OSBPL8: variants seen among roughly 807,000 people sequenced by gnomAD.
OSBPL8 encodes the protein oxysterol binding protein like 8, also known as oxysterol-binding protein-related protein 8.
In OSBPL8, 59 loss-of-function variants were observed where a neutral mutation model predicts 125.5. The ratio of observed to expected loss-of-function variants is 0.47; its 90% CI spans 0.38 to 0.58. The LOEUF is 0.58. Among genes scored for constraint, OSBPL8 ranks in the 20% least tolerant of loss-of-function variants. OSBPL8 has a pLI of 0.00. For synonymous variants in OSBPL8, 330 were observed against 338.9 expected, an observed-to-expected ratio of 0.97 and a Z score of 0.29; for missense variants, 758 against 1,047.8, an observed-to-expected ratio of 0.72 and a Z score of 3.82.
intron 2 of OSBPL8, among the ~76,000 whole-genome samples, chr12:76,464,741 T>C (rs1401326452): frequency 6.6e-6 from 1 of 152,172 alleles, no homozygotes; most frequent in African/African-American, 2.4e-5. Context: ...TCCCTCTTAA[T>C]ATACATCACG....
At chr12:76,488,460 G>C (rs966747921) in intron 1 of OSBPL8, among the ~76,000 whole-genome samples, 1 of 152,132 alleles carries the variant, frequency 6.6e-6, no homozygotes, top group Admixed American at 6.5e-5. Context: ...ATGAAGGTTG[G>C]TGACAGCCTT....
rs1952090848 is a variant in OSBPL8, at chr12:76,358,831, T to C, written c.2329-20A>G. The C allele has an allele frequency of 3.1e-6, 5 of 1,595,132 alleles. No homozygotes were observed. The highest frequency in any genetic ancestry group is 4.3e-6 in the Non-Finnish European group (5 of 1,162,932). Reference sequence around the variant, plus strand: ...GCTAACCTAAAGAAAAAAATAACTATTTTGTGAATTTGCACTGTATTTTGG... The same window carrying C: ...GCTAACCTAAAGAAAAAAATAACTACTTTGTGAATTTGCACTGTATTTTGG... On this transcript the variant is annotated intron_variant, in intron 21 of 23. Coordinates refer to ENST00000261183, the MANE Select transcript of OSBPL8 (RefSeq NM_020841.5).
At chr12:76,413,580 A>G (rs1366035855) in intron 4 of OSBPL8, among the ~76,000 whole-genome samples, 1 of 152,176 alleles carries the variant, frequency 6.6e-6, no homozygotes, top group Non-Finnish European at 1.5e-5. Flanking sequence ...AACTATGCAA[A>G]AGTTCTCTTT....
rs534826617 is a variant in OSBPL8, at chr12:76,384,206, AAAT to A, written c.1630+45_1630+47del. ...ACTGCCTAAATAAAAGCTCACCAGA[AAAT>A]AATACCTCCCAGGAGAGGGTGCAAG... On this transcript the variant is annotated intron_variant, in intron 15 of 23. Coordinates refer to ENST00000261183, the MANE Select transcript of OSBPL8 (RefSeq NM_020841.5). 1.0e-3 allele frequency: 1,165 copies of A among 1,157,418 alleles called. 22 individuals carry two copies. The South Asian group carries it at 0.02, about 20-fold the overall frequency. The allele number at this position is 1,157,418 out of a possible 1,614,324, so 71.7% of individuals were successfully genotyped here.
intron 3 of OSBPL8, among the ~76,000 whole-genome samples, chr12:76,455,880 T>C (rs1363013647): frequency 6.6e-6 from 1 of 152,236 alleles, no homozygotes; most frequent in Non-Finnish European, 1.5e-5. Flanking sequence ...AATGAATCAC[T>C]GTGTGACTCC....
chr12:76,467,056 G>A (rs1231315284), intron 2 of OSBPL8, among the ~76,000 whole-genome samples: 1 of 152,172 alleles, frequency 6.6e-6, no homozygotes, highest in Non-Finnish European at 1.5e-5. Context: ...TGGCCTGGTA[G>A]TTTTTCACAC....
intron 4 of OSBPL8, among the ~76,000 whole-genome samples, chr12:76,443,255 G>T (rs1203481356): frequency 6.6e-6 from 1 of 152,136 alleles, no homozygotes; most frequent in East Asian, 1.9e-4. Flanking sequence ...ATAATTGAAA[G>T]ATGGTTTTTT....
chr12:76,389,910 A>G, intron 11 of OSBPL8, 81 bp from the exon 12 acceptor site: 2 of 1,140,532 alleles, frequency 1.8e-6, no homozygotes, highest in Non-Finnish European at 1.2e-6. Flanking sequence ...TGTTGAAAAT[A>G]TGAACTCTTC....
chr12:76,394,294 T>G (rs1024157406), intron 9 of OSBPL8, among the ~76,000 whole-genome samples: 1 of 152,074 alleles, frequency 6.6e-6, no homozygotes, highest in Non-Finnish European at 1.5e-5. Flanking sequence ...AAACAATGTA[T>G]ATGTCTCATA....
At chr12:76,465,690 T>C (rs1001838554) in intron 2 of OSBPL8, among the ~76,000 whole-genome samples, 29 of 151,826 alleles carry the variant, frequency 1.9e-4, no homozygotes, top group Middle Eastern at 3.4e-3. Context: ...CACAATGAAA[T>C]AGCAAGCATG....
At position 76,377,190 on chromosome 12, in the gene OSBPL8, GT is replaced by G. The variant is rs560584886; in HGVS notation, c.1729+1261del. Among the ~76,000 whole-genome samples, 88 of 152,274 alleles carry G rather than the reference GT, an allele frequency of 5.8e-4. No individual in the cohort carries two copies. In the South Asian group the frequency reaches 6.2e-3, roughly 11 times the overall value. On this transcript the variant is annotated intron_variant, in intron 16 of 23. Coordinates refer to ENST00000261183, the MANE Select transcript of OSBPL8 (RefSeq NM_020841.5). ...CAGTTTATCACTGATGGGCATTTGG[GT>G]TGGTCCCAAGTCTTTGCTATTGTGA...
chr12:76,442,632 T>C (rs1482027083), intron 4 of OSBPL8, among the ~76,000 whole-genome samples: 1 of 152,138 alleles, frequency 6.6e-6, no homozygotes, highest in Non-Finnish European at 1.5e-5. Context: ...TGGGTCTAAC[T>C]ACAAGCCCTC....
chr12:76,486,041 T>A (rs969102878), intron 2 of OSBPL8: 2 of 434,466 alleles, frequency 4.6e-6, no homozygotes, highest in Non-Finnish European at 9.2e-6. Flanking sequence ...TTACCATCCG[T>A]TTTTCATTTA....
intron 4 of OSBPL8, among the ~76,000 whole-genome samples, chr12:76,440,556 A>C (rs901749078): frequency 1.3e-5 from 2 of 152,164 alleles, no homozygotes; most frequent in Non-Finnish European, 2.9e-5. Context: ...TGTTTCTGCC[A>C]CAGAGATAAT....
chr12:76,472,292 C>T (rs182769717), intron 2 of OSBPL8, among the ~76,000 whole-genome samples: 27 of 152,336 alleles, frequency 1.8e-4, no homozygotes, highest in African/African-American at 6.5e-4. Flanking sequence ...TGAAACCACA[C>T]ATCCAATCAA....
At chr12:76,492,786 A>G (rs1878859203) in intron 1 of OSBPL8, among the ~76,000 whole-genome samples, 1 of 152,156 alleles carries the variant, frequency 6.6e-6, no homozygotes, top group South Asian at 2.1e-4. Flanking sequence ...GGTGAGTTGT[A>G]TAATTATTAA....
intron 4 of OSBPL8, among the ~76,000 whole-genome samples, chr12:76,449,576 C>T (rs971262514): frequency 2.0e-5 from 3 of 152,166 alleles, no homozygotes; most frequent in Admixed American, 6.5e-5. Context: ...CATGCACTCA[C>T]AGAAGAATGA....
In OSBPL8 at chr12:76,352,612, A is replaced by G. The variant is rs1951862315; in HGVS notation, c.*3277T>C. On this transcript the variant is annotated 3_prime_UTR_variant, in exon 24 of 24. Coordinates refer to ENST00000261183, the MANE Select transcript of OSBPL8 (RefSeq NM_020841.5). ...AATTGGAAAATTTGATATAAATCTA[A>G]TATTTTATTTCTGTACATTTAATAT... The G allele has an allele frequency of 6.6e-6, 1 of 152,526 alleles. No individual in the cohort carries two copies. The highest frequency in any genetic ancestry group is 1.5e-5 in the Non-Finnish European group (1 of 67,958). The allele number at this position is 152,526 out of a possible 1,614,324, so 9.4% of individuals were successfully genotyped here. A position where few individuals can be genotyped will look rare whatever the true frequency, so the allele number is the denominator to read the frequency against.
chr12:76,478,380 A>G (rs915184346), intron 2 of OSBPL8, among the ~76,000 whole-genome samples: 1 of 152,198 alleles, frequency 6.6e-6, no homozygotes, highest in South Asian at 2.1e-4. Context: ...GATTCTCTGA[A>G]AGGGTCTTAG....
Sources: gnomAD v4.1 joint callset for allele counts (sites outside exome capture counted in the v4.1 genomes callset) on GRCh38, gnomAD v4.1.1 for gene constraint, MANE v1.5 for transcripts, NCBI Gene and HGNC (gene_info 2026-07-23, HGNC 2026-07-21) for gene names.